Variants in APH1B observed in about 807,000 individuals in gnomAD.
The protein encoded by APH1B is aph-1B gamma-secretase subunit.
Under a neutral mutation model 28.2 loss-of-function variants are expected in APH1B, and 27 were observed. That is an observed-to-expected ratio of 0.96 (90% CI 0.70 to 1.32). The LOEUF (loss-of-function observed/expected upper bound fraction) is 1.32, where lower values mean the gene tolerates loss of function less well. Among genes scored for constraint, APH1B ranks in the 40% most tolerant of loss-of-function variants. APH1B has a pLI of 0.00. For missense variants in APH1B, 305 were observed against 313.6 expected, an observed-to-expected ratio of 0.97 and a Z score of 0.21; for synonymous variants, 141 against 124.6, an observed-to-expected ratio of 1.13 and a Z score of -0.88.
chr15:63,282,812 G>A (rs1207105251), intron 2 of APH1B, among the ~76,000 whole-genome samples: 2 of 152,218 alleles, frequency 1.3e-5, no homozygotes, highest in South Asian at 2.1e-4. Context: ...TTTAAGCAGC[G>A]TGTCTATTTT....
chr15:63,296,429 C>A lies in APH1B; in HGVS notation c.479-5916C>A, dbSNP rs543891308. On this transcript the variant is annotated intron_variant, in intron 4 of 5. Coordinates refer to ENST00000261879, the MANE Select transcript of APH1B (RefSeq NM_031301.4). ...GCTTGCTCTGACTTAGTTAGAGATA[C>A]CCTGCCCGTGTTAGGGGAAGCTAGG... Among the ~76,000 whole-genome samples, 6 of 152,332 alleles carry A rather than the reference C, an allele frequency of 3.9e-5. No homozygotes were observed. In the East Asian group the frequency reaches 9.6e-4, roughly 24 times the overall value.
At chr15:63,285,598 A>G (rs1243454283) in intron 2 of APH1B, among the ~76,000 whole-genome samples, 1 of 152,210 alleles carries the variant, frequency 6.6e-6, no homozygotes, top group Non-Finnish European at 1.5e-5. Context: ...TGGCCACAAC[A>G]GAAGGATGCA....
chr15:63,296,610 T>TG (rs2038570588), intron 4 of APH1B, among the ~76,000 whole-genome samples: 1 of 151,854 alleles, frequency 6.6e-6, no homozygotes, highest in African/African-American at 2.4e-5. Context: ...TTAGAGCATT[T>TG]GGGGTATATT....
intron 4 of APH1B, chr15:63,292,052 A>G (rs1477897038): frequency 6.6e-6 from 1 of 152,164 alleles, no homozygotes; most frequent in Non-Finnish European, 1.5e-5. Flanking sequence ...TTTATCTTTC[A>G]TTCACTTTTC....
At chr15:63,283,583 C>T (rs1055754356) in intron 2 of APH1B, among the ~76,000 whole-genome samples, 9 of 152,150 alleles carry the variant, frequency 5.9e-5, no homozygotes, top group African/African-American at 2.2e-4. Context: ...TGTAAGAGTT[C>T]TGTAGATATA....
intron 2 of APH1B, among the ~76,000 whole-genome samples, chr15:63,285,190 G>A (rs1395774800): frequency 6.6e-6 from 1 of 152,074 alleles, no homozygotes; most frequent in Non-Finnish European, 1.5e-5. Context: ...CCCTATTTTG[G>A]TTGAATTCTA....
intron 4 of APH1B, among the ~76,000 whole-genome samples, chr15:63,295,399 T>TTTTTG (rs1284925389): frequency 1.3e-5 from 2 of 152,200 alleles, no homozygotes; most frequent in East Asian, 1.9e-4. Context: ...TTAGGCCTGT[T>TTTTTG]TTTTGTTTTG....
At chr15:63,297,991 A>G (rs561301893) in intron 4 of APH1B, among the ~76,000 whole-genome samples, 1 of 152,318 alleles carries the variant, frequency 6.6e-6, no homozygotes, top group African/African-American at 2.4e-5. Flanking sequence ...TGTTAATAAA[A>G]TGGTAAACTG....
In APH1B at chr15:63,308,042, G is replaced by A. The variant is rs1259715327; in HGVS notation, c.*2261G>A. On this transcript the variant is annotated 3_prime_UTR_variant, in exon 6 of 6. Transcript: ENST00000261879. ...CTTTGCCTTATGCCAAGGAGGCCCA[G>A]AGGGAGGGCCTAGTCTTCCTCTGTT... The A allele has an allele frequency of 2.0e-5, 3 of 152,114 alleles. No homozygotes were observed. The highest frequency in any genetic ancestry group is 7.2e-5 in the African/African-American group (3 of 41,420). The allele number at this position is 152,114 out of a possible 1,614,324, so 9.4% of individuals were successfully genotyped here.
rs1016735801 is a variant in APH1B at position 63,307,407 on chromosome 15, T to A, written c.*1626T>A. On this transcript the variant is annotated 3_prime_UTR_variant, in exon 6 of 6. Coordinates refer to ENST00000261879, the MANE Select transcript of APH1B (RefSeq NM_031301.4). ...ATAGAGATAAAAGAAGAGGAGGGCT[T>A]CTATCAATGCTGTAAACAGTCTGAT... 6 of 152,302 alleles carry A rather than the reference T, an allele frequency of 3.9e-5. No homozygotes were observed. The highest frequency in any genetic ancestry group is 1.4e-4 in the African/African-American group (6 of 41,574). The allele number at this position is 152,302 out of a possible 1,614,324, so 9.4% of individuals were successfully genotyped here. A position where few individuals can be genotyped will look rare whatever the true frequency, so the allele number is the denominator to read the frequency against.
chr15:63,295,678 CCT>C (rs1748765735), intron 4 of APH1B, among the ~76,000 whole-genome samples: 2 of 152,300 alleles, frequency 1.3e-5, no homozygotes, highest in African/African-American at 4.8e-5. Context: ...CAGAAGCACC[CCT>C]GTCCCCCAGT....
intron 4 of APH1B, among the ~76,000 whole-genome samples, chr15:63,290,203 G>T (rs538257194): frequency 6.6e-6 from 1 of 152,094 alleles, no homozygotes; most frequent in Admixed American, 6.5e-5. Context: ...TATGATACCT[G>T]TGTGTACATA....
intron 4 of APH1B, among the ~76,000 whole-genome samples, chr15:63,302,039 C>T (rs1055864072): frequency 8.5e-5 from 13 of 152,340 alleles, no homozygotes; most frequent in African/African-American, 3.1e-4. Context: ...GTGCAGAAGG[C>T]TCACTGGGAA....
rs191210235 is a variant in APH1B at position 63,286,499 on chromosome 15, T to C, written c.285-59T>C. 1.8e-5 allele frequency: 25 copies of C among 1,423,584 alleles called. No individual in the cohort carries two copies. The Admixed American group carries it at 2.1e-4, about 12-fold the overall frequency. 88.2% of individuals were successfully genotyped at this position (1,423,584 alleles called of 1,614,324 possible). A position where few individuals can be genotyped will look rare whatever the true frequency, so the allele number is the denominator to read the frequency against. On this transcript the variant is annotated intron_variant, in intron 2 of 5. Coordinates refer to ENST00000261879, the MANE Select transcript of APH1B (RefSeq NM_031301.4). ...AGTGTCTTGTTGGACTTTCCTGATA[T>C]ATTGCTCTTCCTTTTTTTTTTTTTT...
rs973656744 is a variant in APH1B at position 63,308,486 on chromosome 15, G to A, written c.*2705G>A. 2.6e-5 allele frequency: 4 copies of A among 152,192 alleles called. No individual in the cohort carries two copies. The highest frequency in any genetic ancestry group is 5.9e-5 in the Non-Finnish European group (4 of 68,038). 9.4% of individuals were successfully genotyped at this position (152,192 alleles called of 1,614,324 possible). Reference sequence around the variant, plus strand: ...GCAGACTGCGTAGAAAATGGCTTTTGTTCCCAGCGTTAACATTTTCTTCTC... The same window carrying A: ...GCAGACTGCGTAGAAAATGGCTTTTATTCCCAGCGTTAACATTTTCTTCTC... On this transcript the variant is annotated 3_prime_UTR_variant, in exon 6 of 6. Coordinates refer to ENST00000261879, the MANE Select transcript of APH1B (RefSeq NM_031301.4).
intron 1 of APH1B, chr15:63,278,332 G>A (rs1276426348): frequency 6.6e-6 from 3 of 456,604 alleles, no homozygotes; most frequent in Admixed American, 2.3e-5. Context: ...GCACCTGACT[G>A]TGCGTCTCCT....
At chr15:63,295,316 G>GT (rs1234871620) in intron 4 of APH1B, among the ~76,000 whole-genome samples, 3 of 152,224 alleles carry the variant, frequency 2.0e-5, no homozygotes, top group Admixed American at 2.0e-4. Context: ...CTGAAGGCAG[G>GT]TCCCCCATTA....
chr15:63,286,064 A>G (rs1266892092), intron 2 of APH1B, among the ~76,000 whole-genome samples: 2 of 152,238 alleles, frequency 1.3e-5, no homozygotes, highest in Non-Finnish European at 2.9e-5. Context: ...TGGACTCTGA[A>G]GGATGAGTGT....
At chr15:63,292,438 G>C (rs2038515411) in intron 4 of APH1B, among the ~76,000 whole-genome samples, 1 of 152,014 alleles carries the variant, frequency 6.6e-6, no homozygotes, top group Non-Finnish European at 1.5e-5. Context: ...TCTGTCACTG[G>C]AATGCAGTGT....
Sources: gnomAD v4.1 joint callset for allele counts (sites outside exome capture counted in the v4.1 genomes callset) on GRCh38, gnomAD v4.1.1 for gene constraint, MANE v1.5 for transcripts, NCBI Gene and HGNC (gene_info 2026-07-23, HGNC 2026-07-21) for gene names.